The following CAPN11 variants were observed in gnomAD, a reference collection of about 807,000 sequenced individuals.
CAPN11 encodes the protein calpain 11, also known as calpain-11.
In CAPN11, 108 loss-of-function variants were observed where a neutral mutation model predicts 105.3. The ratio of observed to expected loss-of-function variants is 1.03; its 90% CI spans 0.88 to 1.20. CAPN11 has a LOEUF of 1.20. Among genes scored for constraint, CAPN11 ranks in the 50% most tolerant of loss-of-function variants. The pLI is 0.00. For missense variants in CAPN11, 883 were observed against 924.8 expected, an observed-to-expected ratio of 0.95 and a Z score of 0.59; for synonymous variants, 329 against 344.5, an observed-to-expected ratio of 0.96 and a Z score of 0.50.
intron 2 of CAPN11, among the ~76,000 whole-genome samples, chr6:44,167,382 C>T (rs1271769404): frequency 1.3e-5 from 2 of 151,162 alleles, no homozygotes; most frequent in African/African-American, 4.9e-5. Flanking sequence ...CCTGTAATCC[C>T]AGCTACTCAG....
At chr6:44,181,409 G>C in intron 19 of CAPN11, 89 bp downstream of exon 19, 3 of 807,986 alleles carry the variant, frequency 3.7e-6, no homozygotes, top group Admixed American at 2.9e-5. Flanking sequence ...TAGAACCCAA[G>C]CCCTAACCAC....
At chr6:44,172,110 C>T (rs960071278) in intron 4 of CAPN11, among the ~76,000 whole-genome samples, 192 bp from the exon 5 acceptor site, 2 of 152,098 alleles carry the variant, frequency 1.3e-5, no homozygotes, top group African/African-American at 4.8e-5. Context: ...AGTCTCTCCG[C>T]CTTCAGTTTC....
At chr6:44,167,829 T>C (rs748592818) in intron 2 of CAPN11, among the ~76,000 whole-genome samples, 7 of 150,872 alleles carry the variant, frequency 4.6e-5, no homozygotes, top group Non-Finnish European at 8.8e-5. Context: ...GATGAGAAGA[T>C]AATTTGAGCC....
At chr6:44,183,789 T>C (rs1774165228) in intron 22 of CAPN11, 26 bp downstream of exon 22, 2 of 1,611,214 alleles carry the variant, frequency 1.2e-6, no homozygotes, top group Non-Finnish European at 1.7e-6. Flanking sequence ...TGGGAAGGAA[T>C]CTGCAGGATT....
At chr6:44,166,950 C>CCTCCTTTTTGTGGGGGGTGGGGGGG in intron 2 of CAPN11, 121 bp downstream of exon 2, 1 of 227,302 alleles carries the variant, frequency 4.4e-6, no homozygotes, top group Non-Finnish European at 9.0e-6. Flanking sequence ...GGGAGGGCGG[C>CCTCCTTTTTGTGGGGGGTGGGGGGG]GGGGGGAGGG....
rs765757555 is a variant in CAPN11 at position 44,176,979 on chromosome 6, G to A, written c.1218G>A (p.Gly406=). The A allele has an allele frequency of 6.2e-7, 1 of 1,613,402 alleles. No individual in the cohort carries two copies. The highest frequency in any genetic ancestry group is 8.5e-7 in the Non-Finnish European group (1 of 1,179,816). The change falls in exon 11 of 23, where the codon GGG becomes GGA. Residue 406 remains glycine (G), a synonymous_variant. Coordinates refer to ENST00000398776, the MANE Select transcript of CAPN11 (RefSeq NM_007058.4). ...GCTGGCGCAGAGGCAGCTCCGCAGG[G>A]GGCTGCAGGAACCACCCTGGTGGGT... ...EGSWRRGSSA[G]GCRNHPGTFW...
rs557423327 is a variant in CAPN11, at chr6:44,169,547, G to C, written c.339+16G>C. On this transcript the variant is annotated intron_variant, in intron 3 of 22. Coordinates refer to ENST00000398776, the MANE Select transcript of CAPN11 (RefSeq NM_007058.4). ...GCGGCCCAAGGTGGGCACTGGAAGG[G>C]AGGCATGGACTCATGGATGGAAGGG... is the stretch of plus-strand genomic sequence containing the variant. 12 of 1,547,720 alleles carry C rather than the reference G, an allele frequency of 7.8e-6. No individual in the cohort carries two copies. The highest frequency in any genetic ancestry group is 1.7e-4 in the Middle Eastern group (1 of 5,898).
Position 44,183,104 on chromosome 6 carries a change from C to G in CAPN11, c.2018-15C>G, listed in dbSNP as rs1398626338. 1.2e-6 allele frequency: 2 copies of G among 1,605,208 alleles called. No homozygotes were observed. The highest frequency in any genetic ancestry group is 1.7e-5 in the Admixed American group (1 of 59,990). On this transcript the variant is annotated splice_polypyrimidine_tract_variant and intron_variant, in intron 20 of 22. Coordinates refer to ENST00000398776, the MANE Select transcript of CAPN11 (RefSeq NM_007058.4). The stretch of plus-strand genomic sequence containing the variant: ...CCAGACTTTTCCCCTCCCCACTTCT[C>G]TCTCCCTCTCTCAGGCATCAAGCTG...
At chr6:44,166,931 T>G (rs552441597) in intron 2 of CAPN11, 102 bp downstream of exon 2, 17 of 611,302 alleles carry the variant, frequency 2.8e-5, no homozygotes, top group South Asian at 1.1e-4. Flanking sequence ...AAGTCAGTCA[T>G]GTTGTGTGGG....
rs1772072090 is a variant in CAPN11 at position 44,176,607 on chromosome 6, C to T, written c.1028C>T (p.Ser343Leu). The T allele has an allele frequency of 6.2e-7, 1 of 1,611,236 alleles. No individual in the cohort carries two copies. The highest frequency in any genetic ancestry group is 2.2e-5 in the East Asian group (1 of 44,790). ...DSAREWEEVA[S>L]DIQMQLLHKT... ...GCCAGGGAGTGGGAAGAGGTGGCCTCAGACATCCAGATGCAGCTGCTGCAC... is the reference window on the plus strand; with the variant it reads ...GCCAGGGAGTGGGAAGAGGTGGCCTTAGACATCCAGATGCAGCTGCTGCAC... The change falls in exon 10 of 23, where the codon TCA (serine) becomes TTA (leucine). Residue 343 changes from serine to leucine, a missense_variant. Transcript: ENST00000398776.
rs1772167836 is a variant in CAPN11, at chr6:44,177,030, C to CA, written c.1237+33dup. On this transcript the variant is annotated intron_variant, in intron 11 of 22. Coordinates refer to ENST00000398776, the MANE Select transcript of CAPN11 (RefSeq NM_007058.4). ...GAGGGGTGAGAGGGGAGGGGGTGTG[C>CA]AGGGAGTGAAGGATGGGCCACGGCT... 5 of 1,603,392 alleles carry CA rather than the reference C, an allele frequency of 3.1e-6. No individual in the cohort carries two copies. In the East Asian group the frequency reaches 1.1e-4, roughly 36 times the overall value.
rs995066443 is a variant in CAPN11, at chr6:44,176,507, GGCA to G, written c.1002-72_1002-70del. 4.2e-6 allele frequency: 6 copies of G among 1,433,698 alleles called. No homozygotes were observed. In the African/African-American group the frequency reaches 8.4e-5, roughly 20 times the overall value. 88.8% of individuals were successfully genotyped at this position (1,433,698 alleles called of 1,614,324 possible). ...CCAGCAGGCAGACATTCAGGGAAGA[GGCA>G]GTCCCCTGGAGAGGAAGGAGGTGCC... is the stretch of plus-strand genomic sequence containing the variant. On this transcript the variant is annotated intron_variant, in intron 9 of 22. Transcript: ENST00000398776.
chr6:44,170,205 G>A (rs1198337522), intron 4 of CAPN11, among the ~76,000 whole-genome samples: 1 of 152,058 alleles, frequency 6.6e-6, no homozygotes, highest in Non-Finnish European at 1.5e-5. Context: ...TCTTGCGGGG[G>A]GAATATTAGT....
chr6:44,165,971 G>A (rs575334877), intron 1 of CAPN11, among the ~76,000 whole-genome samples: 14 of 152,208 alleles, frequency 9.2e-5, no homozygotes, highest in South Asian at 4.1e-4. Flanking sequence ...CCCTGGCCTC[G>A]GACAGTGATG....
chr6:44,183,172 GA>G lies in CAPN11; in HGVS notation c.2072del (p.Asp691ValfsTer3). Reference sequence around the variant, plus strand: ...GGTCCTGGTGGCCAGGTATGCAGATGATGACCTGATCATAGACTTTGACAGC... The same window carrying G: ...GGTCCTGGTGGCCAGGTATGCAGATGTGACCTGATCATAGACTTTGACAGC... ...MQVLVARYAD[D>X]DLIIDFDSFI... On this transcript the variant is annotated frameshift_variant, in exon 21 of 23. Transcript: ENST00000398776. LOFTEE classifies it high-confidence loss of function. 6.2e-7 allele frequency: 1 copy of G among 1,613,770 alleles called. No homozygotes were observed. The highest frequency in any genetic ancestry group is 8.5e-7 in the Non-Finnish European group (1 of 1,179,766).
intron 1 of CAPN11, among the ~76,000 whole-genome samples, chr6:44,159,732 A>T (rs937980257): frequency 1.9e-4 from 28 of 151,176 alleles, no homozygotes; most frequent in South Asian, 1.0e-3. Context: ...ATTAGTATTT[A>T]TTTTTTTTTA....
chr6:44,168,394 C>T (rs1770354396), intron 2 of CAPN11, among the ~76,000 whole-genome samples: 1 of 152,058 alleles, frequency 6.6e-6, no homozygotes, highest in African/African-American at 2.4e-5. Flanking sequence ...CTCAGCCTCC[C>T]GAATAGCTGG....
At chr6:44,161,429 A>G (rs1768784766) in intron 1 of CAPN11, among the ~76,000 whole-genome samples, 1 of 152,112 alleles carries the variant, frequency 6.6e-6, no homozygotes, top group South Asian at 2.1e-4. Context: ...TGAACTCCTG[A>G]CTTCAGGTGA....
At chr6:44,177,113 G>A in intron 11 of CAPN11, 115 bp downstream of exon 11, 5 of 1,479,436 alleles carry the variant, frequency 3.4e-6, no homozygotes, top group Non-Finnish European at 4.6e-6. Context: ...TGAGGTCAAG[G>A]GTTAGTCAGA....
Sources: gnomAD v4.1 joint callset for allele counts (sites outside exome capture counted in the v4.1 genomes callset) on GRCh38, gnomAD v4.1.1 for gene constraint, MANE v1.5 for transcripts, NCBI Gene and HGNC (gene_info 2026-07-23, HGNC 2026-07-21) for gene names.